SLC25A19: variants seen among roughly 807,000 people sequenced by gnomAD.
SLC25A19 encodes mitochondrial thiamine pyrophosphate carrier.
Under a neutral mutation model 27.9 loss-of-function variants are expected in SLC25A19, and 18 were observed. The ratio of observed to expected loss-of-function variants is 0.64; its 90% CI spans 0.45 to 0.96. The LOEUF is 0.96. Among genes scored for constraint, SLC25A19 ranks in the 40% least tolerant of loss-of-function variants. The pLI is 0.00. For missense variants in SLC25A19, 371 were observed against 418.3 expected (o/e 0.89, Z 0.99); for synonymous variants, 169 against 167.1 (o/e 1.01, Z -0.09).
rs562642726 is a variant in SLC25A19 at position 75,282,588 on chromosome 17, G to A, written c.459+835C>T. 6.3e-4 allele frequency among the ~76,000 whole-genome samples: 96 copies of A among 151,956 alleles called. 1 individual carries two copies. Among genetic ancestry groups the A allele is most frequent in the Admixed American group, 2.0e-3 (30 of 15,232 alleles). On this transcript the variant is annotated intron_variant, in intron 5 of 7. Transcript: ENST00000416858. ...AAATAAAAATAGGTCGGGCACGGTG[G>A]CTCACGCCTGTAATCCCAGTACTTT...
chr17:75,286,543 C>G, intron 3 of SLC25A19, 84 bp from the exon 4 acceptor site: 2 of 1,613,882 alleles, frequency 1.2e-6, no homozygotes, highest in Non-Finnish European at 1.7e-6. Flanking sequence ...AGCCCTTCAT[C>G]TGGATAGAAT....
At chr17:75,283,834 G>T (rs1374330195) in intron 4 of SLC25A19, among the ~76,000 whole-genome samples, 1 of 152,162 alleles carries the variant, frequency 6.6e-6, no homozygotes, top group Non-Finnish European at 1.5e-5. Flanking sequence ...GATATATGGG[G>T]GCCAGGTGCA....
chr17:75,288,462 CT>C (rs1362169574), intron 2 of SLC25A19, 39 bp downstream of exon 2: 1 of 151,958 alleles, frequency 6.6e-6, no homozygotes, highest in Non-Finnish European at 1.5e-5. Context: ...TACTTTTTTC[CT>C]TTTTTGTAAA....
intron 4 of SLC25A19, among the ~76,000 whole-genome samples, chr17:75,284,770 G>C (rs2078143420): frequency 6.6e-6 from 1 of 150,806 alleles, no homozygotes; most frequent in Non-Finnish European, 1.5e-5. Flanking sequence ...AGCTCCTCAA[G>C]TAGCTGGGAT....
At position 75,278,226 on chromosome 17, in the gene SLC25A19, C is replaced by CG; in HGVS notation, c.568_569insC (p.Gly190AlafsTer26). 1 of 1,613,912 alleles carries CG rather than the reference C, an allele frequency of 6.2e-7. No individual in the cohort carries two copies. The highest frequency in any genetic ancestry group is 1.1e-5 in the South Asian group (1 of 91,072). On this transcript the variant is annotated frameshift_variant, in exon 6 of 8. Transcript: ENST00000416858. LOFTEE classifies it high-confidence loss of function. Reference sequence around the variant, plus strand: ...GGAGCTGTAGCAAGAGAACTGCAGCCCGGCGTAGGGGAAGATGGCGATCAA... The same window carrying CG: ...GGAGCTGTAGCAAGAGAACTGCAGCCGCGGCGTAGGGGAAGATGGCGATCAA...
At position 75,286,319 on chromosome 17, in the gene SLC25A19, G is replaced by C. The variant is rs1485867216; in HGVS notation, c.273C>G (p.Gly91=). The C allele has an allele frequency of 2.5e-6, 4 of 1,613,978 alleles. No individual in the cohort carries two copies. Among genetic ancestry groups the C allele is most frequent in the Non-Finnish European group, 8.5e-7 (1 of 1,180,044 alleles). The part of the protein sequence containing the change: ...GHVPAQILSI[G]YGAVQFLSFE... ...TGCCACCTACTTGGACAGCTCCATAGCCTATGGAGAGAATCTGAGCTGGGA... is the reference window on the plus strand; with the variant it reads ...TGCCACCTACTTGGACAGCTCCATACCCTATGGAGAGAATCTGAGCTGGGA... The change falls in exon 4 of 8, where the codon GGC becomes GGG. Residue 91 remains glycine, a synonymous_variant. Coordinates refer to ENST00000416858, the MANE Select transcript of SLC25A19 (RefSeq NM_001126121.2).
intron 6 of SLC25A19, 78 bp from the exon 7 acceptor site, chr17:75,277,561 C>T (rs2077923008): frequency 1.3e-6 from 2 of 1,558,136 alleles, no homozygotes; most frequent in East Asian, 2.3e-5. Flanking sequence ...GGCGTCAGGG[C>T]TAATCCTCCA....
chr17:75,284,643 T>A lies in SLC25A19; in HGVS notation c.289-1050A>T, dbSNP rs1455364141. On this transcript the variant is annotated intron_variant, in intron 4 of 7. Transcript: ENST00000416858. ...TACATTCAGATCTTTCTTTTTTTTT[T>A]TTTTTTTTTTTTTTTAGGGACAAGA... 5.2e-3 allele frequency among the ~76,000 whole-genome samples: 780 copies of A among 149,358 alleles called. 8 individuals are homozygous for A. The highest frequency in any genetic ancestry group is 0.018 in the African/African-American group (745 of 40,556).
intron 7 of SLC25A19, 114 bp from the exon 8 acceptor site, chr17:75,273,753 A>C: frequency 9.9e-7 from 1 of 1,005,548 alleles, no homozygotes; most frequent in South Asian, 1.3e-5. Context: ...TGAATGCAAA[A>C]TAGCAAATTA....
chr17:75,278,934 G>A (rs1470861031), intron 5 of SLC25A19, among the ~76,000 whole-genome samples: 1 of 151,950 alleles, frequency 6.6e-6, no homozygotes, highest in African/African-American at 2.4e-5. Context: ...AGTGAGCTGA[G>A]ATTGTACCAC....
At chr17:75,283,985 G>A (rs1214482602) in intron 4 of SLC25A19, among the ~76,000 whole-genome samples, 1 of 151,984 alleles carries the variant, frequency 6.6e-6, no homozygotes, top group Non-Finnish European at 1.5e-5. Context: ...ATGGTGGCGG[G>A]CACCTGTAGT....
chr17:75,286,211 C>T (rs2078176108), intron 4 of SLC25A19, 93 bp downstream of exon 4: 1 of 1,506,074 alleles, frequency 6.6e-7, no homozygotes, highest in African/African-American at 1.4e-5. Flanking sequence ...TTCCGTCCTG[C>T]CCTGCGCGGC....
chr17:75,273,563 C>T lies in SLC25A19; in HGVS notation c.851G>A (p.Gly284Asp). Reference sequence around the variant, plus strand: ...AGCCTTCAGCAAGCTGGGGGACAGGCCCTTGAAGAAGCCCAGGGCGCCTTC... The same window carrying T: ...AGCCTTCAGCAAGCTGGGGGACAGGTCCTTGAAGAAGCCCAGGGCGCCTTC... The part of the protein sequence containing the change: ...QKEGALGFFK[G>D]LSPSLLKAAL... Residue 284 changes from glycine to aspartate, a missense_variant, in exon 8 of 8, where the codon GGC (glycine) becomes GAC (aspartate). Physicochemically the swap from Gly to Asp is moderately conservative, Grantham distance 94. Coordinates refer to ENST00000416858, the MANE Select transcript of SLC25A19 (RefSeq NM_001126121.2). 6.2e-7 allele frequency: 1 copy of T among 1,614,038 alleles called. No homozygotes were observed. Among genetic ancestry groups the T allele is most frequent in the Non-Finnish European group, 8.5e-7 (1 of 1,179,982 alleles).
intron 5 of SLC25A19, among the ~76,000 whole-genome samples, chr17:75,278,615 G>A (rs1019073033): frequency 2.0e-5 from 3 of 152,270 alleles, no homozygotes; most frequent in Admixed American, 6.5e-5. Context: ...CTAAAGACGC[G>A]ATGTCCATCT....
chr17:75,286,894 ACTGT>A, intron 2 of SLC25A19, 92 bp from the exon 3 acceptor site: 1 of 1,250,758 alleles, frequency 8.0e-7, no homozygotes, highest in African/African-American at 1.5e-5. Context: ...CCCTGACTAG[ACTGT>A]CTAAAATAGC....
Position 75,277,571 on chromosome 17 carries a change from A to G in SLC25A19, c.644-88T>C, listed in dbSNP as rs553649873. 9.2e-4 allele frequency: 1,375 copies of G among 1,500,264 alleles called. 1 individual carries two copies. The highest frequency in any genetic ancestry group is 1.1e-3 in the Non-Finnish European group (1,234 of 1,085,446). 92.9% of individuals were successfully genotyped at this position (1,500,264 alleles called of 1,614,324 possible). On this transcript the variant is annotated intron_variant, in intron 6 of 7. Transcript: ENST00000416858. ...TAAAAGGCGTCAGGGCTAATCCTCC[A>G]CCACAAACCAAACCCCACAAGCGCA...
At chr17:75,276,975 G>A (rs1476549330) in intron 7 of SLC25A19, among the ~76,000 whole-genome samples, 2 of 147,920 alleles carry the variant, frequency 1.4e-5, no homozygotes, top group African/African-American at 2.5e-5. Context: ...GAGCCACCAC[G>A]CCCGGCCAGG....
chr17:75,283,813 AG>A (rs2078114697), intron 4 of SLC25A19, among the ~76,000 whole-genome samples: 1 of 152,288 alleles, frequency 6.6e-6, no homozygotes, highest in Admixed American at 6.5e-5. Context: ...AGACACTCAA[AG>A]GGTTAAGAAG....
chr17:75,281,025 A>C (rs2078027528), intron 5 of SLC25A19, among the ~76,000 whole-genome samples: 1 of 151,558 alleles, frequency 6.6e-6, no homozygotes, highest in Admixed American at 6.6e-5. Flanking sequence ...CCCCTACAAA[A>C]AATAAAAAAA....
Sources: allele counts gnomAD v4.1 joint callset (sites outside exome capture counted in the v4.1 genomes callset), GRCh38; gene constraint gnomAD v4.1.1; transcripts MANE v1.5; gene names NCBI Gene and HGNC (gene_info 2026-07-23, HGNC 2026-07-21).